The following ARHGAP6 variants were observed in gnomAD, a reference collection of about 807,000 sequenced individuals.
ARHGAP6 encodes the protein Rho GTPase activating protein 6.
Under a neutral mutation model 55.7 loss-of-function variants are expected in ARHGAP6, and 16 were observed. That is an observed-to-expected ratio of 0.29 (90% CI 0.19 to 0.44). The LOEUF (loss-of-function observed/expected upper bound fraction) is 0.44. Among genes scored for constraint, ARHGAP6 ranks in the 20% least tolerant of loss-of-function variants. The probability of loss-of-function intolerance (pLI) is 1.00; values close to 1 mark genes in which losing one functional copy is unlikely to be tolerated. For missense variants in ARHGAP6, 698 were observed against 808.9 expected, an observed-to-expected ratio of 0.86 and a Z score of 1.66; for synonymous variants, 382 against 360.9, an observed-to-expected ratio of 1.06 and a Z score of -0.66.
intron 2 of ARHGAP6, among the ~76,000 whole-genome samples, chrX:11,204,062 T>G (rs2046670608): frequency 8.9e-6 from 1 of 112,147 alleles, no homozygotes; most frequent in African/African-American, 3.2e-5. Flanking sequence ...AAACTCTGTG[T>G]GTGTGTGCAT....
chrX:11,514,462 C>G (rs1443519841), intron 1 of ARHGAP6, among the ~76,000 whole-genome samples: 1 of 109,893 alleles, frequency 9.1e-6, no homozygotes, highest in African/African-American at 3.3e-5. Flanking sequence ...ATAGGATGTT[C>G]AGCAGTATCC....
chrX:11,467,429 G>A (rs2050304584), intron 1 of ARHGAP6, among the ~76,000 whole-genome samples: 1 of 110,766 alleles, frequency 9.0e-6, no homozygotes, highest in Non-Finnish European at 1.9e-5. Context: ...TTATGGTAAG[G>A]GAGAACAGCC....
At chrX:11,344,678 C>CAAAAAAAAAGAAAAAAAAAAAAAA (rs2048751893) in intron 1 of ARHGAP6, among the ~76,000 whole-genome samples, 1 of 28,271 alleles carries the variant, frequency 3.5e-5, no homozygotes, top group Non-Finnish European at 5.8e-5. Context: ...AACTCCATCA[C>CAAAAAAAAAGAAAAAAAAAAAAAA]AAAAAAAAAA....
intron 9 of ARHGAP6, among the ~76,000 whole-genome samples, chrX:11,159,958 G>A (rs193206729): frequency 4.5e-4 from 50 of 110,770 alleles, no homozygotes; most frequent in Non-Finnish European, 7.6e-4. Flanking sequence ...TTTTAAAAAC[G>A]TAACACCTAA....
chrX:11,353,557 T>C, intron 1 of ARHGAP6, among the ~76,000 whole-genome samples: 1 of 75,800 alleles, frequency 1.3e-5, no homozygotes, highest in African/African-American at 4.9e-5. Context: ...ATAGTGTGTG[T>C]GTGTGTGTGT....
chrX:11,590,235 C>T (rs2051788243), intron 1 of ARHGAP6, among the ~76,000 whole-genome samples: 1 of 111,367 alleles, frequency 9.0e-6, no homozygotes, highest in African/African-American at 3.3e-5. Flanking sequence ...GGTAGAGTGT[C>T]CCAGAGGTTA....
intron 2 of ARHGAP6, among the ~76,000 whole-genome samples, chrX:11,232,988 C>T (rs764068407): frequency 1.8e-5 from 2 of 112,300 alleles, no homozygotes; most frequent in Non-Finnish European, 3.8e-5. Context: ...ACAATACACA[C>T]GTACTAAATA....
rs955443998 is a variant in ARHGAP6, at chrX:11,533,388, A to G, written c.588+130853T>C. On this transcript the variant is annotated intron_variant, in intron 1 of 12. Transcript: ENST00000337414. ...CATTTTGTAATGTAATGTGTAATAT[A>G]TCCCCTCATTGCCACTAGGTGGCAC... Among the ~76,000 whole-genome samples, 3 of 112,209 alleles carry G rather than the reference A, an allele frequency of 2.7e-5. No homozygotes were observed. In the East Asian group the frequency reaches 8.4e-4, roughly 31 times the overall value.
chrX:11,348,668 G>C (rs1192892186), intron 1 of ARHGAP6, among the ~76,000 whole-genome samples: 1 of 111,428 alleles, frequency 9.0e-6, no homozygotes, highest in East Asian at 2.8e-4. Flanking sequence ...GTTTTGTTTT[G>C]AGACGGGGAC....
At chrX:11,372,409 T>TA (rs2049152810) in intron 1 of ARHGAP6, among the ~76,000 whole-genome samples, 1 of 111,968 alleles carries the variant, frequency 8.9e-6, no homozygotes, top group African/African-American at 3.2e-5. Flanking sequence ...ATGGATTTTT[T>TA]AAAAATCATG....
At position 11,249,991 on chromosome X, in the gene ARHGAP6, TTG is replaced by T. The variant is rs1470266265; in HGVS notation, c.748+4555_748+4556del. On this transcript the variant is annotated intron_variant, in intron 2 of 12. Coordinates refer to ENST00000337414, the MANE Select transcript of ARHGAP6 (RefSeq NM_013427.3). ...CAATTTATTATTTTCTTAATGATGA[TTG>T]TCTCATTATCTCAAATACAATAATA... 4.5e-5 allele frequency among the ~76,000 whole-genome samples: 5 copies of T among 112,097 alleles called. No homozygotes were observed. The Admixed American group carries it at 4.7e-4, about 11-fold the overall frequency.
intron 1 of ARHGAP6, among the ~76,000 whole-genome samples, chrX:11,572,860 G>A (rs1312902411): frequency 1.8e-5 from 2 of 111,468 alleles, no homozygotes; most frequent in South Asian, 3.8e-4. Context: ...GTTGTTTCCT[G>A]ACTTTTTAAT....
intron 1 of ARHGAP6, among the ~76,000 whole-genome samples, chrX:11,388,126 C>A (rs2049354377): frequency 8.9e-6 from 1 of 112,131 alleles, no homozygotes. Context: ...GAGGAATCAA[C>A]ACACTGACTT....
At chrX:11,437,388 T>C (rs1376924896) in intron 1 of ARHGAP6, among the ~76,000 whole-genome samples, 2 of 112,908 alleles carry the variant, frequency 1.8e-5, no homozygotes, top group East Asian at 5.5e-4. Context: ...AATATTTCAT[T>C]GCTGACTTAA....
At chrX:11,304,594 C>T (rs1171166708) in intron 1 of ARHGAP6, among the ~76,000 whole-genome samples, 6 of 109,087 alleles carry the variant, frequency 5.5e-5, no homozygotes, top group Non-Finnish European at 9.5e-5. Context: ...GTCATGGGGG[C>T]GCTCCACTAA....
intron 9 of ARHGAP6, among the ~76,000 whole-genome samples, chrX:11,164,712 G>A (rs1210593112): frequency 8.9e-6 from 1 of 111,738 alleles, no homozygotes; most frequent in East Asian, 2.8e-4. Flanking sequence ...ACTGCACTCC[G>A]GACTTTTCAT....
chrX:11,188,583 T>C, intron 4 of ARHGAP6, 145 bp downstream of exon 4: 2 of 881,742 alleles, frequency 2.3e-6, no homozygotes, highest in Non-Finnish European at 3.1e-6. Flanking sequence ...ACGTGCCCAG[T>C]GCACATTCTT....
chrX:11,588,066 A>G (rs372155832), intron 1 of ARHGAP6, among the ~76,000 whole-genome samples: 11 of 112,244 alleles, frequency 9.8e-5, no homozygotes, highest in African/African-American at 3.6e-4. Flanking sequence ...TGTGTTTGCC[A>G]TTTATGGAAC....
At chrX:11,181,926 A>G (rs1322335468) in intron 6 of ARHGAP6, 137 bp downstream of exon 6, 8 of 477,154 alleles carry the variant, frequency 1.7e-5, no homozygotes, top group South Asian at 1.2e-4. Flanking sequence ...CTGGAATTCA[A>G]TTATATTATA....
Sources: gnomAD v4.1 joint callset for allele counts (sites outside exome capture counted in the v4.1 genomes callset) on GRCh38, gnomAD v4.1.1 for gene constraint, MANE v1.5 for transcripts, NCBI Gene and HGNC (gene_info 2026-07-23, HGNC 2026-07-21) for gene names.